The following KCNG1 variants were observed in gnomAD, a reference collection of about 807,000 sequenced individuals.
The protein encoded by KCNG1 is potassium voltage-gated channel modifier subfamily G member 1.
Under a neutral mutation model 32.4 loss-of-function variants are expected in KCNG1, and 17 were observed. The observed-to-expected ratio is 0.52, with a 90% CI of 0.36 to 0.79. The LOEUF (loss-of-function observed/expected upper bound fraction) is 0.79, where lower values mean the gene tolerates loss of function less well. Among genes scored for constraint, KCNG1 ranks in the 30% least tolerant of loss-of-function variants. KCNG1 has a pLI of 0.00. For missense variants in KCNG1, 441 were observed against 735.2 expected (o/e 0.60, Z 4.63); for synonymous variants, 358 against 339.9 (o/e 1.05, Z -0.59).
At chr20:51,008,697 T>G (rs1568797858) in intron 2 of KCNG1, among the ~76,000 whole-genome samples, 1 of 152,152 alleles carries the variant, frequency 6.6e-6, no homozygotes, top group Non-Finnish European at 1.5e-5. Flanking sequence ...AACTTCACTT[T>G]TATTGTTGGC....
Position 51,009,934 on chromosome 20 carries a change from C to T in KCNG1, c.405G>A (p.Lys135=), listed in dbSNP as rs773743287. The T allele has an allele frequency of 2.5e-6, 4 of 1,613,862 alleles. No homozygotes were observed. Among genetic ancestry groups the T allele is most frequent in the East Asian group, 4.5e-5 (2 of 44,878 alleles). ...CGCACATCTCGCGCAGCAGCCGCAG[C>T]TTGCCCGCGCGCAGGAAGGTCAGGA... ...GTILTFLRAG[K]LRLLREMCAL... Residue 135 remains lysine, a synonymous_variant, in exon 2 of 3, where the codon AAG becomes AAA. Coordinates refer to ENST00000371571, the MANE Select transcript of KCNG1 (RefSeq NM_002237.4).
intron 2 of KCNG1, among the ~76,000 whole-genome samples, chr20:51,009,166 A>G (rs1395176611): frequency 1.3e-5 from 2 of 152,200 alleles, no homozygotes; most frequent in Non-Finnish European, 2.9e-5. Context: ...GAACGTTGAG[A>G]AAGGACCGAA....
At chr20:51,019,979 G>A (rs1334495553) in intron 1 of KCNG1, among the ~76,000 whole-genome samples, 4 of 152,134 alleles carry the variant, frequency 2.6e-5, no homozygotes, top group South Asian at 2.1e-4. Context: ...GTCTGTTCTC[G>A]CCACAGTCCC....
Position 51,004,594 on chromosome 20 carries a change from G to A in KCNG1, c.987C>T (p.Gly329=), listed in dbSNP as rs761882032. Residue 329 remains glycine (G), a synonymous_variant, in exon 3 of 3, where the codon GGC becomes GGT. Transcript: ENST00000371571. This position sits in a 1 kb window ranked among gnomAD's most constrained non-coding sequence, Gnocchi z 4.3. ...CCTTGTCCAGGTAGCTGTTGCCCGCGCCGGGCTTGCGACGGCCTGCGGCGG... is the reference window on the plus strand; with the variant it reads ...CCTTGTCCAGGTAGCTGTTGCCCGCACCGGGCTTGCGACGGCCTGCGGCGG... The part of the protein sequence containing the change: ...DGAAAGRRKP[G]AGNSYLDKVG... 2.5e-6 allele frequency: 4 copies of A among 1,579,002 alleles called. No individual in the cohort carries two copies. Among genetic ancestry groups the A allele is most frequent in the African/African-American group, 1.3e-5 (1 of 74,352 alleles).
Position 51,004,848 on chromosome 20 carries a change from C to T in KCNG1, c.775-42G>A, listed in dbSNP as rs1987765525. The T allele has an allele frequency of 1.3e-6, 2 of 1,483,406 alleles. No homozygotes were observed. Among genetic ancestry groups the T allele is most frequent in the Non-Finnish European group, 1.8e-6 (2 of 1,111,202 alleles). 91.9% of individuals were successfully genotyped at this position (1,483,406 alleles called of 1,614,324 possible). A position where few individuals can be genotyped will look rare whatever the true frequency, so the allele number is the denominator to read the frequency against. ...GGGACGCCGGAGGGGTCAGCGGGCC[C>T]TCCAGGAAAGGAGGGCAGAAGCTCT... On this transcript the variant is annotated intron_variant, in intron 2 of 2. Coordinates refer to ENST00000371571, the MANE Select transcript of KCNG1 (RefSeq NM_002237.4). The surrounding 1 kb of genome is among the most constrained non-coding windows in gnomAD (Gnocchi z 4.3).
intron 1 of KCNG1, among the ~76,000 whole-genome samples, chr20:51,020,153 C>T (rs1305029600): frequency 6.6e-6 from 1 of 152,178 alleles, no homozygotes; most frequent in African/African-American, 2.4e-5. Flanking sequence ...GCCTCGGGAG[C>T]CTCCCTGCTG....
At position 51,003,963 on chromosome 20, in the gene KCNG1, C is replaced by T. The variant is rs1601088108; in HGVS notation, c.*76G>A. ...GGACTGCACTCGGAAGCGGCCTGTC[C>T]CTCTCCAGGCGTCTGCAGTGGATGG... On this transcript the variant is annotated 3_prime_UTR_variant, in exon 3 of 3. Transcript: ENST00000371571. The T allele has an allele frequency of 6.6e-7, 1 of 1,520,550 alleles. No individual in the cohort carries two copies. Among genetic ancestry groups the T allele is most frequent in the South Asian group, 1.2e-5 (1 of 80,076 alleles). 94.2% of individuals were successfully genotyped at this position (1,520,550 alleles called of 1,614,324 possible).
Position 51,015,262 on chromosome 20 carries a change from G to T in KCNG1, c.-26-4898C>A, listed in dbSNP as rs959639453. ...AATGGGGCCTGGGGGAGGGGGAAAA[G>T]AGAAGAATCAGGATTCCAGGGGTGC... On this transcript the variant is annotated intron_variant, in intron 1 of 2. Coordinates refer to ENST00000371571, the MANE Select transcript of KCNG1 (RefSeq NM_002237.4). The surrounding 1 kb of genome is among the most constrained non-coding windows in gnomAD (Gnocchi z 4.4). 6.6e-6 allele frequency among the ~76,000 whole-genome samples: 1 copy of T among 152,202 alleles called. No homozygotes were observed. The highest frequency in any genetic ancestry group is 1.5e-5 in the Non-Finnish European group (1 of 68,040).
At chr20:51,019,830 C>T (rs1053571141) in intron 1 of KCNG1, among the ~76,000 whole-genome samples, 17 of 152,184 alleles carry the variant, frequency 1.1e-4, no homozygotes, top group Non-Finnish European at 1.9e-4. Flanking sequence ...GACTCAGAGG[C>T]GGGTCAGGCT....
At chr20:51,013,567 C>T (rs1988172804) in intron 1 of KCNG1, among the ~76,000 whole-genome samples, 1 of 152,090 alleles carries the variant, frequency 6.6e-6, no homozygotes, top group Non-Finnish European at 1.5e-5. Context: ...GGGGCTCCTT[C>T]CTAAGAGGAA....
At chr20:51,014,066 A>C (rs370944046) in intron 1 of KCNG1, 1 of 152,060 alleles carries the variant, frequency 6.6e-6, no homozygotes, top group South Asian at 2.1e-4. Context: ...CCCTGCCCCC[A>C]CGTGAGTTTC....
At chr20:51,008,540 C>T (rs575904195) in intron 2 of KCNG1, among the ~76,000 whole-genome samples, 26 of 151,940 alleles carry the variant, frequency 1.7e-4, no homozygotes, top group Admixed American at 2.6e-4. Flanking sequence ...ACTACATTGC[C>T]CAGGCTGATT....
chr20:51,018,112 A>C (rs1470165854), intron 1 of KCNG1, among the ~76,000 whole-genome samples: 1 of 152,176 alleles, frequency 6.6e-6, no homozygotes, highest in Admixed American at 6.5e-5. Flanking sequence ...AGGTCAGCAC[A>C]TGACTGAGGG....
At chr20:51,012,406 C>T (rs1380066300) in intron 1 of KCNG1, 7 of 152,308 alleles carry the variant, frequency 4.6e-5, no homozygotes, top group Admixed American at 3.9e-4. Context: ...CTTCATTAGG[C>T]AGCCTGCTCC....
At chr20:51,010,922 CAAAACAAA>C (rs1988067022) in intron 1 of KCNG1, among the ~76,000 whole-genome samples, 1 of 28,366 alleles carries the variant, frequency 3.5e-5, no homozygotes, top group African/African-American at 1.9e-4. Context: ...CAAAACAAAA[CAAAACAAA>C]AAAAAAAGAA....
Position 51,005,014 on chromosome 20 carries a change from T to C in KCNG1, c.775-208A>G. 1 of 481,196 alleles carries C rather than the reference T, an allele frequency of 2.1e-6. No homozygotes were observed. 29.8% of individuals were successfully genotyped at this position (481,196 alleles called of 1,614,324 possible). A position where few individuals can be genotyped will look rare whatever the true frequency, so the allele number is the denominator to read the frequency against. ...ACACTGGCCGCTCCTCATCTCTCTC[T>C]CCAGCCCCCACCTCAGCCCTGAACT... On this transcript the variant is annotated intron_variant, in intron 2 of 2. Coordinates refer to ENST00000371571, the MANE Select transcript of KCNG1 (RefSeq NM_002237.4). This position sits in a 1 kb window ranked among gnomAD's most constrained non-coding sequence, Gnocchi z 4.0.
chr20:51,016,303 G>A (rs940063569), intron 1 of KCNG1, among the ~76,000 whole-genome samples: 1 of 152,116 alleles, frequency 6.6e-6, no homozygotes, highest in Non-Finnish European at 1.5e-5. Flanking sequence ...TGGGCATGGT[G>A]GCAGGCACCT....
intron 1 of KCNG1, among the ~76,000 whole-genome samples, chr20:51,021,286 C>T (rs1240450524): frequency 6.6e-6 from 1 of 152,188 alleles, no homozygotes; most frequent in Admixed American, 6.5e-5. Flanking sequence ...GTTTTTCAAA[C>T]ACACCTTCCC....
At chr20:51,019,219 T>A (rs930035364) in intron 1 of KCNG1, among the ~76,000 whole-genome samples, 3 of 152,176 alleles carry the variant, frequency 2.0e-5, no homozygotes, top group Non-Finnish European at 4.4e-5. Context: ...AACTATGAGA[T>A]AATAAATTCA....
Sources: allele counts gnomAD v4.1 joint callset (sites outside exome capture counted in the v4.1 genomes callset), GRCh38; gene constraint gnomAD v4.1.1; non-coding constraint Gnocchi (gnomAD v3.1); transcripts MANE v1.5; gene names NCBI Gene and HGNC (gene_info 2026-07-23, HGNC 2026-07-21).